KAZN: variants seen among roughly 807,000 people sequenced by gnomAD.
KAZN encodes kazrin, periplakin interacting protein.
A neutral mutation model predicts 87.4 loss-of-function variants in KAZN; 40 were observed. The observed-to-expected ratio is 0.46, with a 90% CI of 0.36 to 0.60. KAZN has a LOEUF of 0.60. Among genes scored for constraint, KAZN ranks in the 20% least tolerant of loss-of-function variants. KAZN has a pLI of 0.00. For synonymous variants in KAZN, 466 were observed against 458.3 expected (o/e 1.02, Z -0.22); for missense variants, 898 against 1,073.9 (o/e 0.84, Z 2.29).
chr1:15,082,458 A>G (rs1004931344), intron 8 of KAZN, among the ~76,000 whole-genome samples: 2 of 152,232 alleles, frequency 1.3e-5, no homozygotes, highest in African/African-American at 4.8e-5. Flanking sequence ...ACTCAGCCAC[A>G]GGCTGGGTAT....
chr1:14,225,869 T>C (rs1382946843), intron 2 of KAZN, among the ~76,000 whole-genome samples: 1 of 152,124 alleles, frequency 6.6e-6, no homozygotes, highest in African/African-American at 2.4e-5. Flanking sequence ...TCAAGATGGA[T>C]TAAGGACTTA....
At chr1:14,464,536 T>G (rs1668013254) in intron 2 of KAZN, among the ~76,000 whole-genome samples, 1 of 150,734 alleles carries the variant, frequency 6.6e-6, no homozygotes, top group Non-Finnish European at 1.5e-5. Context: ...TAATTTCTTT[T>G]TTTTTTCTTT....
At chr1:14,260,672 C>T (rs1650943535) in intron 2 of KAZN, among the ~76,000 whole-genome samples, 1 of 152,186 alleles carries the variant, frequency 6.6e-6, no homozygotes, top group Non-Finnish European at 1.5e-5. Flanking sequence ...GGCTGGCAGG[C>T]ACCAGGCTGC....
chr1:14,413,717 A>G (rs968766025), intron 2 of KAZN, among the ~76,000 whole-genome samples: 35 of 152,238 alleles, frequency 2.3e-4, no homozygotes, highest in African/African-American at 8.2e-4. Flanking sequence ...GGTAATCTGA[A>G]GACATTAAAA....
chr1:14,034,404 G>T (rs1187081126), intron 1 of KAZN, among the ~76,000 whole-genome samples: 2 of 152,060 alleles, frequency 1.3e-5, no homozygotes, highest in African/African-American at 4.8e-5. Flanking sequence ...TTTTAATATT[G>T]CATCATTAAG....
chr1:14,196,992 G>A (rs187812986), intron 2 of KAZN, among the ~76,000 whole-genome samples: 15 of 152,110 alleles, frequency 9.9e-5, no homozygotes, highest in African/African-American at 1.7e-4. Context: ...TAGATGGGCC[G>A]GAATGAGGAT....
intron 1 of KAZN, among the ~76,000 whole-genome samples, chr1:14,088,901 A>C (rs1252702202): frequency 6.6e-6 from 1 of 150,818 alleles, no homozygotes; most frequent in African/African-American, 2.4e-5. Flanking sequence ...TTTATCCCAG[A>C]TAATATTCTC....
chr1:14,615,900 C>T (rs958484713), intron 1 of KAZN, among the ~76,000 whole-genome samples: 1 of 152,204 alleles, frequency 6.6e-6, no homozygotes, highest in Non-Finnish European at 1.5e-5. Flanking sequence ...CCATCAGTTC[C>T]ACCTTAAAAA....
intron 1 of KAZN, among the ~76,000 whole-genome samples, chr1:14,123,734 T>C (rs1007266752): frequency 6.6e-6 from 1 of 152,198 alleles, no homozygotes; most frequent in Non-Finnish European, 1.5e-5. Flanking sequence ...CTGAGATCAA[T>C]CTTCCCAAAT....
At chr1:14,590,801 A>G (rs1002295021) in intron 2 of KAZN, among the ~76,000 whole-genome samples, 4 of 152,160 alleles carry the variant, frequency 2.6e-5, no homozygotes, top group African/African-American at 9.7e-5. Flanking sequence ...TAATTCCTCA[A>G]CAAGTCTATG....
chr1:14,609,872 C>T (rs1423441263), intron 1 of KAZN, among the ~76,000 whole-genome samples: 1 of 152,186 alleles, frequency 6.6e-6, no homozygotes, highest in African/African-American at 2.4e-5. Context: ...GTTATTGAAC[C>T]AACTTCCCCT....
chr1:14,811,666 CGTT>C (rs1402772397), intron 1 of KAZN, among the ~76,000 whole-genome samples: 4 of 152,112 alleles, frequency 2.6e-5, no homozygotes, highest in Non-Finnish European at 5.9e-5. Flanking sequence ...CTAAAGCACA[CGTT>C]GTTCTCATTT....
chr1:14,850,876 T>C (rs999133164), intron 1 of KAZN, among the ~76,000 whole-genome samples: 2 of 152,212 alleles, frequency 1.3e-5, no homozygotes, highest in Non-Finnish European at 2.9e-5. Context: ...GGAAGTTTTA[T>C]ATTGGTTTCC....
At chr1:14,714,634 A>G (rs1572293551) in intron 1 of KAZN, among the ~76,000 whole-genome samples, 1 of 152,232 alleles carries the variant, frequency 6.6e-6, no homozygotes, top group South Asian at 2.1e-4. Context: ...CATGGTCCTT[A>G]AGGAAGCTGC....
At chr1:14,598,339 C>T (rs1572014114), upstream of KAZN, among the ~76,000 whole-genome samples, 2 of 152,306 alleles carry the variant, frequency 1.3e-5, no homozygotes, top group East Asian at 3.9e-4. The surrounding 1 kb of genome is among the most constrained non-coding windows in gnomAD (Gnocchi z 4.2). Context: ...ACCCCGGCTC[C>T]CCTCTGAGGC....
chr1:14,619,576 A>G (rs1307137905), intron 1 of KAZN, among the ~76,000 whole-genome samples: 1 of 152,182 alleles, frequency 6.6e-6, no homozygotes, highest in African/African-American at 2.4e-5. Flanking sequence ...AAAATGTGCA[A>G]TTCACTGGCG....
intron 2 of KAZN, among the ~76,000 whole-genome samples, chr1:14,995,297 C>T (rs1177002562): frequency 6.6e-6 from 1 of 152,216 alleles, no homozygotes; most frequent in Non-Finnish European, 1.5e-5. Context: ...CTCCACATCC[C>T]GGTTCTCTTA....
In KAZN at chr1:14,856,206, G is replaced by A. The variant is rs1426075247; in HGVS notation, c.227-104478G>A. ...GAGGATAATGGGCATAGAAATTGGG[G>A]AGGGGATGAAAAGAGGGGAAGGGAA... is the stretch of plus-strand genomic sequence containing the variant. On this transcript the variant is annotated intron_variant, in intron 1 of 14. Transcript: ENST00000376030. The surrounding 1 kb of genome is among the most constrained non-coding windows in gnomAD (Gnocchi z 5.2). Among the ~76,000 whole-genome samples the A allele has an allele frequency of 1.3e-5, 2 of 152,170 alleles. No individual in the cohort carries two copies. Among genetic ancestry groups the A allele is most frequent in the African/African-American group, 4.8e-5 (2 of 41,426 alleles).
intron 2 of KAZN, among the ~76,000 whole-genome samples, chr1:14,336,286 A>ATG (rs1657265634): frequency 6.6e-6 from 1 of 152,216 alleles, no homozygotes; most frequent in Non-Finnish European, 1.5e-5. Context: ...ATGTTGCAGC[A>ATG]TGTATTAGTA....
Sources: gnomAD v4.1 joint callset for allele counts (sites outside exome capture counted in the v4.1 genomes callset) on GRCh38, gnomAD v4.1.1 for gene constraint, Gnocchi (gnomAD v3.1) non-coding constraint, MANE v1.5 for transcripts, NCBI Gene and HGNC (gene_info 2026-07-23, HGNC 2026-07-21) for gene names.